MTOR: variants seen among roughly 807,000 people sequenced by gnomAD.
MTOR encodes mechanistic target of rapamycin kinase.
In MTOR, 70 loss-of-function variants were observed where a neutral mutation model predicts 319.8. The observed-to-expected ratio is 0.22, with a 90% confidence interval of 0.18 to 0.27. MTOR has a LOEUF of 0.27. Ranked by LOEUF, MTOR falls within the 10% of genes least tolerant of loss-of-function variation. MTOR has a pLI of 1.00. For synonymous variants in MTOR, 1,183 were observed against 1,211.4 expected (o/e 0.98, Z 0.49); for missense variants, 1,890 against 3,274.4 (o/e 0.58, Z 10.32).
intron 20 of MTOR, among the ~76,000 whole-genome samples, chr1:11,215,057 G>A (rs1271967455): frequency 6.6e-6 from 1 of 152,190 alleles, no homozygotes; most frequent in Non-Finnish European, 1.5e-5. Context: ...TTCTCTATCT[G>A]GGATGAAATG....
intron 28 of MTOR, among the ~76,000 whole-genome samples, chr1:11,179,348 A>C (rs976582152): frequency 2.6e-5 from 4 of 152,156 alleles, no homozygotes; most frequent in African/African-American, 9.7e-5. Flanking sequence ...TCCCTCCCCC[A>C]GTGTTATATA....
chr1:11,146,249 A>G (rs1242343300), intron 32 of MTOR, among the ~76,000 whole-genome samples: 1 of 152,220 alleles, frequency 6.6e-6, no homozygotes, highest in African/African-American at 2.4e-5. Context: ...AAGTCAGCAT[A>G]CTATTTGCAA....
rs1649062244 is a variant in MTOR at position 11,247,911 on chromosome 1, G to A, written c.1024C>T (p.Leu342Phe). Reference protein sequence around the residue: ...GLLGYSSHQGLMGFGTSPSPA... With the variant: ...GLLGYSSHQGFMGFGTSPSPA... ...CTGGGGGAGGTCCCAAATCCCATGAGGCCTTGGTGAGAGCTGTACCCCAGC... is the reference window on the plus strand; with the variant it reads ...CTGGGGGAGGTCCCAAATCCCATGAAGCCTTGGTGAGAGCTGTACCCCAGC... Residue 342 changes from leucine to phenylalanine, a missense_variant, in exon 7 of 58, where the codon CTC becomes TTC. Physicochemically the swap from Leu to Phe is conservative, Grantham distance 22. Transcript: ENST00000361445. 1 of 1,614,186 alleles carries A rather than the reference G, an allele frequency of 6.2e-7. No individual in the cohort carries two copies. The highest frequency in any genetic ancestry group is 8.5e-7 in the Non-Finnish European group (1 of 1,180,042).
At chr1:11,131,236 A>G in intron 38 of MTOR, 1 of 186,982 alleles carries the variant, frequency 5.3e-6, no homozygotes, top group Non-Finnish European at 1.1e-5. Flanking sequence ...CTACTTGGCA[A>G]GGGGGAAGAA....
chr1:11,237,836 C>A lies in MTOR; in HGVS notation c.2208+7G>T. ...CTGCCTGTGGGTCTGGCCATCACCT[C>A]GGTTACCTGGATGAGCATCTTGCGC... On this transcript the variant is annotated splice_region_variant and intron_variant, in intron 13 of 57. Coordinates refer to ENST00000361445, the MANE Select transcript of MTOR (RefSeq NM_004958.4). 6.2e-7 allele frequency: 1 copy of A among 1,613,790 alleles called. No homozygotes were observed. Among genetic ancestry groups the A allele is most frequent in the Non-Finnish European group, 8.5e-7 (1 of 1,180,008 alleles).
At position 11,129,784 on chromosome 1, in the gene MTOR, G is replaced by A. The variant is rs1376396626; in HGVS notation, c.5668C>T (p.Arg1890Cys). 3 of 1,614,188 alleles carry A rather than the reference G, an allele frequency of 1.9e-6. No homozygotes were observed. The highest frequency in any genetic ancestry group is 1.7e-5 in the Admixed American group (1 of 60,032). ...YTVPAVQGFF[R>C]SISLSRGNNL... The stretch of plus-strand genomic sequence containing the variant: ...TTGCCTCGTGACAAGGAGATGGAAC[G>A]GAAGAAGCCCTGGACGGCAGGCACC... Residue 1890 changes from arginine to cysteine, a missense_variant, in exon 40 of 58, where the codon CGT (arginine) becomes TGT (cysteine). Physicochemically the swap from Arg to Cys is radical, Grantham distance 180. Transcript: ENST00000361445. The surrounding 1 kb of genome is among the most constrained non-coding windows in gnomAD (Gnocchi z 4.7).
rs1202885152 is a variant in MTOR at position 11,128,917 on chromosome 1, G to A, written c.5749C>T (p.Pro1917Ser). ...LTLWFDYGHW[P>S]DVNEALVEGV... is the part of the protein sequence containing the mutation. ...TCCACTAAGGCCTCATTGACATCTGGCCAGTGACCATAATCAAACCATAAG... is the reference window on the plus strand; with the variant it reads ...TCCACTAAGGCCTCATTGACATCTGACCAGTGACCATAATCAAACCATAAG... Residue 1917 changes from proline (P) to serine (S), a missense_variant, in exon 41 of 58, where the codon CCA (proline) becomes TCA (serine). This residue lies in a region of MTOR where 249 missense variants were observed against 596.2 expected (regional missense o/e 0.42). Transcript: ENST00000361445. This position sits in a 1 kb window ranked among gnomAD's most constrained non-coding sequence, Gnocchi z 5.3. 4 of 1,613,674 alleles carry A rather than the reference G, an allele frequency of 2.5e-6. No individual in the cohort carries two copies. The African/African-American group carries it at 5.3e-5, about 22-fold the overall frequency.
Position 11,210,910 on chromosome 1 carries a change from A to G in MTOR, c.3562-4T>C, listed in dbSNP as rs747618450. 1.3e-6 allele frequency: 2 copies of G among 1,593,438 alleles called. No individual in the cohort carries two copies. On this transcript the variant is annotated splice_polypyrimidine_tract_variant and splice_region_variant and intron_variant, in intron 23 of 57. Coordinates refer to ENST00000361445, the MANE Select transcript of MTOR (RefSeq NM_004958.4). ...CCATTGGAATGAAAATTTGGTACTAAAACAGGAGGGGGAAGAGATGAGAAA... is the reference window on the plus strand; with the variant it reads ...CCATTGGAATGAAAATTTGGTACTAGAACAGGAGGGGGAAGAGATGAGAAA...
At chr1:11,194,352 C>T (rs1051020630) in intron 28 of MTOR, 12 of 1,006,392 alleles carry the variant, frequency 1.2e-5, no homozygotes, top group African/African-American at 1.6e-5. Flanking sequence ...ATTAGATTCA[C>T]ACCTATAAAA....
intron 53 of MTOR, 25 bp from the exon 54 acceptor site, chr1:11,112,942 G>C (rs754558015): frequency 2.0e-5 from 32 of 1,598,368 alleles, no homozygotes; most frequent in Non-Finnish European, 2.7e-5. Context: ...AAAGAGTATT[G>C]AAACATGCTT....
Position 11,238,616 on chromosome 1 carries a change from G to T in MTOR, c.1788C>A (p.Gly596=). The T allele has an allele frequency of 6.2e-7, 1 of 1,606,540 alleles. No homozygotes were observed. Among genetic ancestry groups the T allele is most frequent in the Non-Finnish European group, 8.5e-7 (1 of 1,174,010 alleles). The part of the protein sequence containing the change: ...LRTLGSFEFE[G]HSLTQFVRHC... The stretch of plus-strand genomic sequence containing the variant: ...GGCGAACAAATTGGGTCAGAGAGTG[G>T]CCTGGATAGAAAGGCAGAGAGAAAA... Residue 596 remains glycine (G), a splice_region_variant and synonymous_variant, in exon 12 of 58, where the codon GGC becomes GGA. Coordinates refer to ENST00000361445, the MANE Select transcript of MTOR (RefSeq NM_004958.4).
At chr1:11,209,678 G>T (rs1217074427) in intron 24 of MTOR, among the ~76,000 whole-genome samples, 1 of 152,172 alleles carries the variant, frequency 6.6e-6, no homozygotes, top group Admixed American at 6.5e-5. Flanking sequence ...CACTGACTTA[G>T]TATTAAGATC....
chr1:11,166,260 C>A (rs535673260), intron 29 of MTOR, among the ~76,000 whole-genome samples: 262 of 152,274 alleles, frequency 1.7e-3, no homozygotes, highest in African/African-American at 6.2e-3. Flanking sequence ...TCTAATTAAA[C>A]TAAAGAGCTT....
At chr1:11,147,950 AGAG>A (rs772440282) in intron 31 of MTOR, among the ~76,000 whole-genome samples, 26 of 152,240 alleles carry the variant, frequency 1.7e-4, no homozygotes, top group Non-Finnish European at 3.7e-4. Flanking sequence ...TGGGCAGCAA[AGAG>A]GAGAATAGAG....
chr1:11,261,062 G>T (rs1242586435), intron 1 of MTOR, among the ~76,000 whole-genome samples: 1 of 151,876 alleles, frequency 6.6e-6, no homozygotes, highest in Non-Finnish European at 1.5e-5. Flanking sequence ...AAAGTGCTGG[G>T]ATTACAGGTG....
chr1:11,141,792 C>T (rs2100491287), intron 34 of MTOR, among the ~76,000 whole-genome samples: 1 of 149,740 alleles, frequency 6.7e-6, no homozygotes, highest in East Asian at 2.0e-4. Flanking sequence ...CGAGATCATC[C>T]TGGCTAATAC....
At position 11,134,407 on chromosome 1, in the gene MTOR, A is replaced by G; in HGVS notation, c.5190T>C (p.His1730=). 6.2e-7 allele frequency: 1 copy of G among 1,614,206 alleles called. No individual in the cohort carries two copies. Among genetic ancestry groups the G allele is most frequent in the Non-Finnish European group, 8.5e-7 (1 of 1,180,032 alleles). ...FVQTMQQQAQ[H]AIATEDQQHK... ...GCTGCTGGTCCTCAGTAGCGATGGC[A>G]TGCTGGGCCTGTTGCTGCATGGTCT... The change falls in exon 37 of 58, where the codon CAT becomes CAC. Residue 1730 remains histidine (H), a synonymous_variant. Coordinates refer to ENST00000361445, the MANE Select transcript of MTOR (RefSeq NM_004958.4).
intron 18 of MTOR, among the ~76,000 whole-genome samples, chr1:11,229,904 G>T (rs1015198253): frequency 6.6e-6 from 1 of 152,112 alleles, no homozygotes; most frequent in Non-Finnish European, 1.5e-5. Flanking sequence ...TTGAGCCCAG[G>T]AGGTCGAGGC....
chr1:11,150,295 C>T lies in MTOR; in HGVS notation c.4470-69G>A. On this transcript the variant is annotated intron_variant, in intron 30 of 57. Transcript: ENST00000361445. ...TAAACTACCAATCTTCCTCTCCTGC[C>T]CCTTGGGTTAGGTGAGGACTACACA... The T allele has an allele frequency of 3.6e-6, 5 of 1,399,584 alleles. No individual in the cohort carries two copies. The South Asian group carries it at 6.1e-5, about 17-fold the overall frequency. The allele number at this position is 1,399,584 out of a possible 1,614,324, so 86.7% of individuals were successfully genotyped here. A position where few individuals can be genotyped will look rare whatever the true frequency, so the allele number is the denominator to read the frequency against.
Sources: allele counts gnomAD v4.1 joint callset (sites outside exome capture counted in the v4.1 genomes callset), GRCh38; gene constraint gnomAD v4.1.1; regional missense constraint gnomAD v4.1.1; non-coding constraint Gnocchi (gnomAD v3.1); transcripts MANE v1.5; gene names NCBI Gene and HGNC (gene_info 2026-07-23, HGNC 2026-07-21).